The following FIG4 variants were observed in gnomAD, a reference collection of about 807,000 sequenced individuals.
FIG4 encodes the protein polyphosphoinositide phosphatase.
In FIG4, 112 loss-of-function variants were observed where a neutral mutation model predicts 118.6. That is an observed-to-expected ratio of 0.94 (90% CI 0.81 to 1.11). The LOEUF is 1.11. Among genes scored for constraint, FIG4 ranks in the 50% least tolerant of loss-of-function variants. The pLI is 0.00. For synonymous variants in FIG4, 369 were observed against 381.2 expected, an observed-to-expected ratio of 0.97 and a Z score of 0.37; for missense variants, 969 against 1,111.7, an observed-to-expected ratio of 0.87 and a Z score of 1.83.
rs59816529 is a variant in FIG4, at chr6:109,751,001, C to T, written c.1137+7229C>T. ...ATTTAACACTGTTCTTAATTCTTAT[C>T]TAATTATTTCATTTGATGTATTCAG... is the stretch of plus-strand genomic sequence containing the variant. On this transcript the variant is annotated intron_variant, in intron 10 of 22. Transcript: ENST00000230124. 8.2e-3 allele frequency among the ~76,000 whole-genome samples: 1,249 copies of T among 152,248 alleles called. 26 individuals carry two copies. The highest frequency in any genetic ancestry group is 0.027 in the African/African-American group (1,109 of 41,542).
At chr6:109,796,719 C>A in intron 21 of FIG4, 46 bp from the exon 22 acceptor site, 1 of 1,084,738 alleles carries the variant, frequency 9.2e-7, no homozygotes, top group Non-Finnish European at 1.4e-6. Context: ...GAATTAATTG[C>A]AAGTACTCCC....
intron 4 of FIG4, among the ~76,000 whole-genome samples, chr6:109,727,835 C>A (rs184994492): frequency 7.9e-5 from 12 of 152,170 alleles, no homozygotes; most frequent in Admixed American, 2.6e-4. Context: ...TAAATACATA[C>A]CACTGGACTT....
intron 10 of FIG4, among the ~76,000 whole-genome samples, chr6:109,744,018 A>G (rs1308691756): frequency 5.3e-5 from 8 of 152,086 alleles, no homozygotes; most frequent in Admixed American, 5.2e-4. Flanking sequence ...GTGATTCAGT[A>G]TATCAGGAAA....
chr6:109,763,190 A>G (rs1484120500), intron 12 of FIG4, among the ~76,000 whole-genome samples: 5 of 152,248 alleles, frequency 3.3e-5, no homozygotes, highest in Non-Finnish European at 2.9e-5. Context: ...AGGAAAAACC[A>G]TATTATTTCT....
intron 1 of FIG4, among the ~76,000 whole-genome samples, chr6:109,712,970 A>G (rs1775313152): frequency 6.6e-6 from 1 of 152,004 alleles, no homozygotes; most frequent in Non-Finnish European, 1.5e-5. Context: ...GATTCAGTCG[A>G]CAGGTATTGT....
chr6:109,770,586 G>A (rs1777428550), intron 15 of FIG4, among the ~76,000 whole-genome samples: 1 of 152,092 alleles, frequency 6.6e-6, no homozygotes, highest in Non-Finnish European at 1.5e-5. Flanking sequence ...TTTGCAGGTT[G>A]TACAGGAAAC....
intron 15 of FIG4, among the ~76,000 whole-genome samples, chr6:109,768,648 G>A (rs540976325): frequency 3.8e-4 from 58 of 152,226 alleles, no homozygotes; most frequent in African/African-American, 1.2e-3. Context: ...TCATAGCAGC[G>A]TGCTTCTTCA....
intron 16 of FIG4, among the ~76,000 whole-genome samples, chr6:109,782,960 C>G (rs1777849003): frequency 6.6e-6 from 1 of 152,226 alleles, no homozygotes; most frequent in Non-Finnish European, 1.5e-5. Context: ...ATCTGTCACC[C>G]TCTCACTGCT....
intron 3 of FIG4, among the ~76,000 whole-genome samples, chr6:109,723,861 G>C (rs1162793849): frequency 6.6e-6 from 1 of 152,184 alleles, no homozygotes; most frequent in Non-Finnish European, 1.5e-5. Flanking sequence ...AGAGAGAGAA[G>C]AATGGAGTAG....
intron 3 of FIG4, among the ~76,000 whole-genome samples, chr6:109,723,814 C>A (rs904698150): frequency 1.3e-5 from 2 of 152,086 alleles, no homozygotes; most frequent in African/African-American, 4.8e-5. Context: ...TGTTTCCTAC[C>A]ACATGATCCA....
At chr6:109,734,244 A>G (rs1452300641) in intron 5 of FIG4, among the ~76,000 whole-genome samples, 1 of 151,768 alleles carries the variant, frequency 6.6e-6, no homozygotes, top group Non-Finnish European at 1.5e-5. Flanking sequence ...ACAAATTTGT[A>G]TAAAATATTC....
chr6:109,747,651 C>T (rs527543852), intron 10 of FIG4, among the ~76,000 whole-genome samples: 2 of 151,724 alleles, frequency 1.3e-5, no homozygotes, highest in South Asian at 4.2e-4. Flanking sequence ...GAGATCATAT[C>T]GATATGTTTA....
chr6:109,799,750 G>C (rs370178611), intron 22 of FIG4, among the ~76,000 whole-genome samples: 3 of 152,188 alleles, frequency 2.0e-5, no homozygotes, highest in Non-Finnish European at 4.4e-5. Context: ...TGAAATGAGC[G>C]TGCAGAGACA....
At chr6:109,714,054 C>T (rs1370261285) in intron 1 of FIG4, among the ~76,000 whole-genome samples, 3 of 152,180 alleles carry the variant, frequency 2.0e-5, no homozygotes, top group Non-Finnish European at 4.4e-5. Flanking sequence ...ACAAACGCTC[C>T]CATACCAAAC....
intron 12 of FIG4, 59 bp downstream of exon 12, chr6:109,762,266 T>C: frequency 9.9e-7 from 1 of 1,012,324 alleles, no homozygotes; most frequent in South Asian, 1.3e-5. Flanking sequence ...ATGGGTATTC[T>C]AAATACAGCA....
chr6:109,797,696 G>T (rs1047594440), intron 22 of FIG4, among the ~76,000 whole-genome samples: 6 of 152,036 alleles, frequency 3.9e-5, no homozygotes. Flanking sequence ...AGGAGTTTGA[G>T]ACCAGCCTGG....
chr6:109,749,343 T>G (rs1404992889), intron 10 of FIG4, among the ~76,000 whole-genome samples: 1 of 152,064 alleles, frequency 6.6e-6, no homozygotes, highest in Non-Finnish European at 1.5e-5. Flanking sequence ...CAGAATAATG[T>G]AAGGTGGATA....
chr6:109,777,919 A>G (rs1394151151), intron 16 of FIG4, among the ~76,000 whole-genome samples: 2 of 152,152 alleles, frequency 1.3e-5, no homozygotes, highest in Non-Finnish European at 2.9e-5. Context: ...CTTATCTGAA[A>G]ATGTAAATGC....
intron 4 of FIG4, among the ~76,000 whole-genome samples, chr6:109,729,437 G>A (rs756500017): frequency 5.9e-5 from 9 of 152,084 alleles, no homozygotes; most frequent in African/African-American, 1.4e-4. Flanking sequence ...GGTATCTGCC[G>A]TCACTACTAA....
Sources: allele counts gnomAD v4.1 joint callset (sites outside exome capture counted in the v4.1 genomes callset), GRCh38; gene constraint gnomAD v4.1.1; transcripts MANE v1.5; gene names NCBI Gene and HGNC (gene_info 2026-07-23, HGNC 2026-07-21).